GRID2: variants seen among roughly 807,000 people sequenced by gnomAD.
GRID2 encodes glutamate ionotropic receptor delta type subunit 2.
A neutral mutation model predicts 114.8 loss-of-function variants in GRID2; 33 were observed. That is an observed-to-expected ratio of 0.29 (90% CI 0.22 to 0.38). The LOEUF is 0.38. GRID2 is among the 10% of genes least tolerant of loss of function. The pLI is 1.00. For synonymous variants in GRID2, 505 were observed against 449.9 expected, an observed-to-expected ratio of 1.12 and a Z score of -1.55; for missense variants, 1,184 against 1,257.7, an observed-to-expected ratio of 0.94 and a Z score of 0.89.
At chr4:92,864,111 C>A (rs1247430733) in intron 2 of GRID2, among the ~76,000 whole-genome samples, 1 of 152,082 alleles carries the variant, frequency 6.6e-6, no homozygotes, top group Non-Finnish European at 1.5e-5. Flanking sequence ...AACTAAAGTA[C>A]CTGACTAGCA....
At chr4:93,458,313 T>C (rs1723398590) in intron 11 of GRID2, among the ~76,000 whole-genome samples, 1 of 152,212 alleles carries the variant, frequency 6.6e-6, no homozygotes, top group Non-Finnish European at 1.5e-5. Flanking sequence ...CTTTGCCCTA[T>C]GATGTCTGAG....
At chr4:93,582,726 A>G (rs1560777509) in intron 13 of GRID2, among the ~76,000 whole-genome samples, 2 of 152,198 alleles carry the variant, frequency 1.3e-5, no homozygotes, top group Non-Finnish European at 2.9e-5. Flanking sequence ...TAATAATAAA[A>G]TAAGGAGAAA....
chr4:93,795,632 T>G (rs1183896107), intron 1 of GRID2, among the ~76,000 whole-genome samples: 1 of 152,228 alleles, frequency 6.6e-6, no homozygotes, highest in Non-Finnish European at 1.5e-5. Context: ...TAATAGATTA[T>G]TTTATTACCA....
chr4:92,820,819 TATC>T (rs1181772192), intron 2 of GRID2, among the ~76,000 whole-genome samples: 2 of 152,116 alleles, frequency 1.3e-5, no homozygotes, highest in African/African-American at 2.4e-5. Flanking sequence ...CTATTAAAAT[TATC>T]ATGTTATAAT....
At chr4:92,420,547 T>C (rs1241037512) in intron 1 of GRID2, among the ~76,000 whole-genome samples, 1 of 152,154 alleles carries the variant, frequency 6.6e-6, no homozygotes, top group African/African-American at 2.4e-5. Context: ...TCATATTTGA[T>C]TTGTCTTCTC....
At chr4:93,778,286 A>T (rs2110348464), downstream of GRID2, among the ~76,000 whole-genome samples, 1 of 152,290 alleles carries the variant, frequency 6.6e-6, no homozygotes, top group South Asian at 2.1e-4. Flanking sequence ...ACCCTCTATT[A>T]ATATCTGTTT....
At chr4:93,577,548 T>C (rs1232496316) in intron 13 of GRID2, among the ~76,000 whole-genome samples, 2 of 152,210 alleles carry the variant, frequency 1.3e-5, no homozygotes, top group Non-Finnish European at 2.9e-5. Flanking sequence ...TCAGTAAATG[T>C]TTGCCAATTT....
At chr4:93,389,571 GATAA>G (rs1764644196) in intron 8 of GRID2, among the ~76,000 whole-genome samples, 1 of 152,094 alleles carries the variant, frequency 6.6e-6, no homozygotes, top group East Asian at 1.9e-4. Flanking sequence ...ACAATACTAT[GATAA>G]GAGCTAGGAG....
chr4:92,565,635 C>T lies in GRID2; in HGVS notation c.89-24496C>T, dbSNP rs534776583. ...TCTCTTCAAGACTGGTATCTGACTTCAGTTTCTACTACTAGTTCCTAACGC... is the reference window on the plus strand; with the variant it reads ...TCTCTTCAAGACTGGTATCTGACTTTAGTTTCTACTACTAGTTCCTAACGC... On this transcript the variant is annotated intron_variant, in intron 1 of 15. Coordinates refer to ENST00000282020, the MANE Select transcript of GRID2 (RefSeq NM_001510.4). Among the ~76,000 whole-genome samples, 151 of 152,042 alleles carry T rather than the reference C, an allele frequency of 9.9e-4. 1 individual carries two copies. Among genetic ancestry groups the T allele is most frequent in the African/African-American group, 3.5e-3 (144 of 41,538 alleles).
intron 2 of GRID2, among the ~76,000 whole-genome samples, chr4:92,714,110 A>G (rs1307297188): frequency 3.9e-5 from 6 of 152,212 alleles, no homozygotes; most frequent in Admixed American, 3.3e-4. Context: ...TCCTAGATAC[A>G]ATGGAGGTAC....
intron 1 of GRID2, among the ~76,000 whole-genome samples, chr4:92,436,973 T>C (rs1732764619): frequency 6.6e-6 from 1 of 152,170 alleles, no homozygotes. Flanking sequence ...GCAAGTTTGA[T>C]TTAGCTGTAG....
At chr4:92,819,607 A>T (rs888369492) in intron 2 of GRID2, among the ~76,000 whole-genome samples, 1 of 152,012 alleles carries the variant, frequency 6.6e-6, no homozygotes. Flanking sequence ...AGTTTAATTA[A>T]TGGTCATTCT....
chr4:92,426,429 A>G (rs1268869977), intron 1 of GRID2, among the ~76,000 whole-genome samples: 3 of 152,172 alleles, frequency 2.0e-5, no homozygotes, highest in Admixed American at 6.5e-5. Context: ...GGAATAACCA[A>G]TAATTGTAGA....
At chr4:92,413,106 G>A (rs928186836) in intron 1 of GRID2, among the ~76,000 whole-genome samples, 5 of 152,138 alleles carry the variant, frequency 3.3e-5, no homozygotes, top group Admixed American at 2.6e-4. Flanking sequence ...TGGATATATT[G>A]CATAGTAGTG....
At chr4:93,191,995 A>G (rs1741029138) in intron 4 of GRID2, among the ~76,000 whole-genome samples, 2 of 152,134 alleles carry the variant, frequency 1.3e-5, no homozygotes, top group Non-Finnish European at 2.9e-5. Flanking sequence ...TCTCTTTCTA[A>G]CAACAATATT....
At chr4:92,767,392 A>C (rs1261641191) in intron 2 of GRID2, among the ~76,000 whole-genome samples, 1 of 152,186 alleles carries the variant, frequency 6.6e-6, no homozygotes, top group African/African-American at 2.4e-5. Context: ...GTAACCAGAA[A>C]ACCATCACTT....
At chr4:93,374,090 A>G (rs1411237202) in intron 8 of GRID2, among the ~76,000 whole-genome samples, 1 of 152,168 alleles carries the variant, frequency 6.6e-6, no homozygotes, top group Non-Finnish European at 1.5e-5. Flanking sequence ...AGACAGGTAG[A>G]TTGCACTGTC....
chr4:93,163,097 C>CA (rs911747398), intron 4 of GRID2, among the ~76,000 whole-genome samples: 20 of 151,690 alleles, frequency 1.3e-4, no homozygotes, highest in African/African-American at 4.4e-4. Flanking sequence ...ATAACATACA[C>CA]ATTCCTTTCA....
chr4:93,087,868 T>G (rs139320711), intron 3 of GRID2, among the ~76,000 whole-genome samples: 6 of 152,286 alleles, frequency 3.9e-5, no homozygotes, highest in Admixed American at 1.3e-4. Context: ...CCTTGTACTT[T>G]GAAGAGGGCT....
Sources: allele counts gnomAD v4.1 joint callset (sites outside exome capture counted in the v4.1 genomes callset), GRCh38; gene constraint gnomAD v4.1.1; transcripts MANE v1.5; gene names NCBI Gene and HGNC (gene_info 2026-07-23, HGNC 2026-07-21).